The following GSKIP variants were observed in gnomAD, a reference collection of about 807,000 sequenced individuals.
GSKIP encodes the protein GSK3B interacting protein.
In GSKIP, 5 loss-of-function variants were observed where a neutral mutation model predicts 11.9. That is an observed-to-expected ratio of 0.42 (90% CI 0.22 to 0.89). The LOEUF (loss-of-function observed/expected upper bound fraction) is 0.89. Among genes scored for constraint, GSKIP ranks in the 40% least tolerant of loss-of-function variants. The pLI is 0.29. For missense variants in GSKIP, 150 were observed against 166.6 expected, an observed-to-expected ratio of 0.90 and a Z score of 0.55; for synonymous variants, 70 against 62.9, an observed-to-expected ratio of 1.11 and a Z score of -0.54.
chr14:96,385,778 G>C lies in GSKIP; in HGVS notation c.*94G>C. 1.0e-6 allele frequency: 1 copy of C among 992,874 alleles called. No homozygotes were observed. The highest frequency in any genetic ancestry group is 2.6e-5 in the Admixed American group (1 of 37,992). 61.5% of individuals were successfully genotyped at this position (992,874 alleles called of 1,614,324 possible). The stretch of plus-strand genomic sequence containing the variant: ...ATATGGTCATAGAAAATGCATCTTT[G>C]GTTTTGTGTTTTTATCACTTGCTTC... On this transcript the variant is annotated 3_prime_UTR_variant, in exon 4 of 4. Transcript: ENST00000555181.
chr14:96,378,605 AG>A (rs1889264556), intron 1 of GSKIP, among the ~76,000 whole-genome samples: 1 of 152,202 alleles, frequency 6.6e-6, no homozygotes, highest in Admixed American at 6.5e-5. Flanking sequence ...TAGTAGCAAT[AG>A]GACACTAATT....
chr14:96,371,052 T>C (rs56410178), intron 1 of GSKIP, among the ~76,000 whole-genome samples: 49,736 of 152,124 alleles, frequency 0.33, 8,815 homozygotes, highest in African/African-American at 0.46. Context: ...TTAAAATGTT[T>C]TATTTCAAAA....
chr14:96,373,249 A>G (rs1003995573), intron 1 of GSKIP, among the ~76,000 whole-genome samples: 7 of 145,320 alleles, frequency 4.8e-5, no homozygotes, highest in African/African-American at 1.7e-4. Flanking sequence ...AAAAAAAAAA[A>G]AAAGAAAGGA....
At position 96,385,725 on chromosome 14, in the gene GSKIP, A is replaced by T; in HGVS notation, c.*41A>T. ...TCAGAGGGGCTGGTGCTGGTACAGAATGTTGATATAAAGCTTAAAATTCTT... is the reference window on the plus strand; with the variant it reads ...TCAGAGGGGCTGGTGCTGGTACAGATTGTTGATATAAAGCTTAAAATTCTT... On this transcript the variant is annotated 3_prime_UTR_variant, in exon 4 of 4. Transcript: ENST00000555181. 1 of 1,528,706 alleles carries T rather than the reference A, an allele frequency of 6.5e-7. No individual in the cohort carries two copies. The highest frequency in any genetic ancestry group is 1.4e-5 in the African/African-American group (1 of 71,734). The allele number at this position is 1,528,706 out of a possible 1,614,324, so 94.7% of individuals were successfully genotyped here. A position where few individuals can be genotyped will look rare whatever the true frequency, so the allele number is the denominator to read the frequency against.
Position 96,382,242 on chromosome 14 carries a change from T to TTAA in GSKIP, c.-1-5_-1-4insTAA. On this transcript the variant is annotated splice_polypyrimidine_tract_variant and splice_region_variant and intron_variant, in intron 2 of 3. Transcript: ENST00000555181. ...TTTTATAACTGCTTTTTTTTTTTTT[T>TTAA]ACAGAATGGAAACAGACTGTAATCC... The TTAA allele has an allele frequency of 6.6e-7, 1 of 1,526,250 alleles. No homozygotes were observed. The highest frequency in any genetic ancestry group is 8.8e-7 in the Non-Finnish European group (1 of 1,133,136). 94.5% of individuals were successfully genotyped at this position (1,526,250 alleles called of 1,614,324 possible).
chr14:96,374,279 G>C (rs189276629), intron 1 of GSKIP, among the ~76,000 whole-genome samples: 1 of 152,090 alleles, frequency 6.6e-6, no homozygotes, highest in Admixed American at 6.5e-5. Context: ...TGAGGAACAG[G>C]ACACCTTCAC....
intron 2 of GSKIP, among the ~76,000 whole-genome samples, chr14:96,381,322 T>A (rs940874396): frequency 6.6e-6 from 1 of 152,188 alleles, no homozygotes; most frequent in Non-Finnish European, 1.5e-5. Context: ...AACATTTGGG[T>A]CAGTTCAAAT....
chr14:96,385,682 T>A lies in GSKIP; in HGVS notation c.418T>A (p.Ter140ArgextTer56), dbSNP rs1889472150. 6.2e-7 allele frequency: 1 copy of A among 1,608,342 alleles called. No homozygotes were observed. The highest frequency in any genetic ancestry group is 8.5e-7 in the Non-Finnish European group (1 of 1,178,112). Residue 140 changes from the stop codon to arginine, a stop_lost, in exon 4 of 4, where the codon TGA becomes AGA. Transcript: ENST00000555181. ...LEALKRDGQS[*>R] ...AGCTTTGAAAAGAGATGGACAGTCA[T>A]GACTACACTTTTTCCTTTCAGAGGG...
chr14:96,371,500 A>G (rs1889046440), intron 1 of GSKIP, among the ~76,000 whole-genome samples: 1 of 142,866 alleles, frequency 7.0e-6, no homozygotes, highest in African/African-American at 2.6e-5. Context: ...GCTGGAGTAC[A>G]CTGGTGCAAT....
intron 3 of GSKIP, among the ~76,000 whole-genome samples, chr14:96,383,835 C>G (rs1026004382): frequency 6.6e-6 from 1 of 152,104 alleles, no homozygotes; most frequent in East Asian, 1.9e-4. Flanking sequence ...ACTAAAAGCT[C>G]AGAGTATTTA....
intron 1 of GSKIP, among the ~76,000 whole-genome samples, chr14:96,373,059 G>T (rs912141290): frequency 2.0e-5 from 3 of 151,750 alleles, no homozygotes; most frequent in Non-Finnish European, 4.4e-5. Flanking sequence ...ATGAAACCCC[G>T]TCTATACTAA....
chr14:96,364,960 T>G (rs1888832505), intron 1 of GSKIP: 1 of 149,016 alleles, frequency 6.7e-6, no homozygotes. Flanking sequence ...ATCATGCCAC[T>G]GCACTCCAGC....
At position 96,372,398 on chromosome 14, in the gene GSKIP, G is replaced by A. The variant is rs182256903; in HGVS notation, c.-102-7290G>A. ...GAGGCTTAAGTACAGCAGTACCAAAGCAGAGATGCTGTTCAGGAAGATACA... is the reference window on the plus strand; with the variant it reads ...GAGGCTTAAGTACAGCAGTACCAAAACAGAGATGCTGTTCAGGAAGATACA... On this transcript the variant is annotated intron_variant, in intron 1 of 3. Coordinates refer to ENST00000555181, the MANE Select transcript of GSKIP (RefSeq NM_016472.5). Among the ~76,000 whole-genome samples the A allele has an allele frequency of 3.3e-5, 5 of 152,326 alleles. No homozygotes were observed. The East Asian group carries it at 7.7e-4, about 24-fold the overall frequency.
rs1545280 is a variant in GSKIP, at chr14:96,385,734, T to G, written c.*50T>G. On this transcript the variant is annotated 3_prime_UTR_variant, in exon 4 of 4. Transcript: ENST00000555181. The stretch of plus-strand genomic sequence containing the variant: ...CTGGTGCTGGTACAGAATGTTGATA[T>G]AAAGCTTAAAATTCTTGCATATGGT... 1 of 1,453,674 alleles carries G rather than the reference T, an allele frequency of 6.9e-7. No homozygotes were observed. 90.0% of individuals were successfully genotyped at this position (1,453,674 alleles called of 1,614,324 possible). A position where few individuals can be genotyped will look rare whatever the true frequency, so the allele number is the denominator to read the frequency against.
intron 1 of GSKIP, among the ~76,000 whole-genome samples, chr14:96,371,933 T>G (rs146645737): frequency 7.1e-4 from 108 of 152,248 alleles, no homozygotes; most frequent in African/African-American, 2.6e-3. Flanking sequence ...AATTAAGTCC[T>G]TGGGTTAGGG....
chr14:96,382,752 C>A (rs1053155496), intron 3 of GSKIP, among the ~76,000 whole-genome samples: 7 of 152,072 alleles, frequency 4.6e-5, no homozygotes, highest in African/African-American at 1.7e-4. Context: ...TTAATCATGA[C>A]CCCCAAAACT....
At position 96,385,759 on chromosome 14, in the gene GSKIP, T is replaced by C. The variant is rs2139947189; in HGVS notation, c.*75T>C. The C allele has an allele frequency of 1.7e-6, 2 of 1,161,202 alleles. No homozygotes were observed. The highest frequency in any genetic ancestry group is 5.1e-5 in the East Asian group (2 of 39,434). 71.9% of individuals were successfully genotyped at this position (1,161,202 alleles called of 1,614,324 possible). On this transcript the variant is annotated 3_prime_UTR_variant, in exon 4 of 4. Coordinates refer to ENST00000555181, the MANE Select transcript of GSKIP (RefSeq NM_016472.5). ...TAAAGCTTAAAATTCTTGCATATGG[T>C]CATAGAAAATGCATCTTTGGTTTTG...
intron 2 of GSKIP, chr14:96,380,021 A>G (rs1371987322): frequency 1.3e-5 from 2 of 152,232 alleles, no homozygotes; most frequent in Non-Finnish European, 1.5e-5. Flanking sequence ...TTTTGTATGT[A>G]TAAGACCAAA....
intron 1 of GSKIP, among the ~76,000 whole-genome samples, chr14:96,375,748 T>C (rs548403300): frequency 4.6e-5 from 7 of 152,328 alleles, no homozygotes; most frequent in South Asian, 4.1e-4. Flanking sequence ...TTATTTCTTA[T>C]AGTAATGGAG....
Sources: allele counts gnomAD v4.1 joint callset (sites outside exome capture counted in the v4.1 genomes callset), GRCh38; gene constraint gnomAD v4.1.1; transcripts MANE v1.5; gene names NCBI Gene and HGNC (gene_info 2026-07-23, HGNC 2026-07-21).